TRAPPC12: variants seen among roughly 807,000 people sequenced by gnomAD.
TRAPPC12 encodes the protein trafficking protein particle complex subunit 12.
Under a neutral mutation model 69.2 loss-of-function variants are expected in TRAPPC12, and 61 were observed. The observed-to-expected ratio is 0.88, with a 90% CI of 0.72 to 1.09. The LOEUF is 1.09. TRAPPC12 is among the 50% of genes least tolerant of loss of function. The pLI, the probability that TRAPPC12 is intolerant of heterozygous loss-of-function variation, is 0.00. For missense variants in TRAPPC12, 1,101 were observed against 1,016.4 expected, an observed-to-expected ratio of 1.08 and a Z score of -1.13; for synonymous variants, 469 against 438.9, an observed-to-expected ratio of 1.07 and a Z score of -0.86.
In TRAPPC12 at chr2:3,456,874, A is replaced by T. The variant is rs573441475; in HGVS notation, c.1531-747A>T. On this transcript the variant is annotated intron_variant, in intron 6 of 11. Coordinates refer to ENST00000324266, the MANE Select transcript of TRAPPC12 (RefSeq NM_016030.6). Reference sequence around the variant, plus strand: ...GATTACAGGCTTGAGCCACCGCTCAATCCCAGAAGTGTTGGGATTACAGGC... The same window carrying T: ...GATTACAGGCTTGAGCCACCGCTCATTCCCAGAAGTGTTGGGATTACAGGC... The T allele has an allele frequency of 7.2e-5, 23 of 320,028 alleles. No homozygotes were observed. The East Asian group carries it at 2.4e-3, about 33-fold the overall frequency. 19.8% of individuals were successfully genotyped at this position (320,028 alleles called of 1,614,324 possible).
chr2:3,416,147 G>A (rs752512012), intron 3 of TRAPPC12, among the ~76,000 whole-genome samples: 10 of 152,146 alleles, frequency 6.6e-5, no homozygotes, highest in Non-Finnish European at 1.3e-4. Context: ...TTGTACTCCT[G>A]TTGCCTGACT....
At chr2:3,417,341 C>T (rs545968839) in intron 3 of TRAPPC12, among the ~76,000 whole-genome samples, 150 of 152,224 alleles carry the variant, frequency 9.9e-4, no homozygotes, top group African/African-American at 3.5e-3. Context: ...CCACCGCCCC[C>T]GCTGCCTGCT....
chr2:3,419,512 G>A (rs1036057834), intron 3 of TRAPPC12, among the ~76,000 whole-genome samples: 5 of 152,046 alleles, frequency 3.3e-5, no homozygotes, highest in Admixed American at 2.0e-4. Flanking sequence ...ACAGTTTAGG[G>A]GAACGTGGCA....
At chr2:3,476,803 G>A (rs1666310330) in intron 9 of TRAPPC12, among the ~76,000 whole-genome samples, 2 of 152,200 alleles carry the variant, frequency 1.3e-5, no homozygotes, top group Non-Finnish European at 2.9e-5. Flanking sequence ...CATTCAGCTT[G>A]TTTCTCATCG....
intron 9 of TRAPPC12, among the ~76,000 whole-genome samples, chr2:3,477,240 A>G (rs1295818876): frequency 2.6e-5 from 4 of 152,184 alleles, no homozygotes; most frequent in Non-Finnish European, 5.9e-5. Flanking sequence ...GTTGAATTCT[A>G]TATTATTTGG....
rs749467670 is a variant in TRAPPC12 at position 3,479,314 on chromosome 2, C to A, written c.2061C>A (p.His687Gln). 6.2e-7 allele frequency: 1 copy of A among 1,614,106 alleles called. No homozygotes were observed. Among genetic ancestry groups the A allele is most frequent in the African/African-American group, 1.3e-5 (1 of 74,956 alleles). The change falls in exon 12 of 12, where the codon CAC becomes CAA. Residue 687 changes from histidine (H) to glutamine (Q), a missense_variant. Coordinates refer to ENST00000324266, the MANE Select transcript of TRAPPC12 (RefSeq NM_016030.6). Reference sequence around the variant, plus strand: ...CCATGGTCCAGCAGGACCCCAGGCACTACCTGCACGAGAGCGTGCTCTTCA... The same window carrying A: ...CCATGGTCCAGCAGGACCCCAGGCAATACCTGCACGAGAGCGTGCTCTTCA... The part of the protein sequence containing the change: ...LEAMVQQDPR[H>Q]YLHESVLFNL...
At chr2:3,446,961 G>A (rs1016315925) in intron 6 of TRAPPC12, among the ~76,000 whole-genome samples, 8 of 152,208 alleles carry the variant, frequency 5.3e-5, no homozygotes, top group Non-Finnish European at 1.2e-4. Context: ...CAAGAAGTGT[G>A]TATTAGTCCA....
At chr2:3,434,389 C>T (rs1277837058) in intron 5 of TRAPPC12, among the ~76,000 whole-genome samples, 1 of 152,176 alleles carries the variant, frequency 6.6e-6, no homozygotes, top group Non-Finnish European at 1.5e-5. Flanking sequence ...CTACATTTTT[C>T]TCTTTCATAT....
At chr2:3,450,444 A>G (rs974793710) in intron 6 of TRAPPC12, among the ~76,000 whole-genome samples, 9 of 152,288 alleles carry the variant, frequency 5.9e-5, no homozygotes, top group Admixed American at 4.6e-4. Context: ...GACAGTCTGG[A>G]AACTTCCAGG....
At chr2:3,456,497 T>A (rs903501257) in intron 6 of TRAPPC12, 6 of 152,212 alleles carry the variant, frequency 3.9e-5, no homozygotes, top group African/African-American at 9.7e-5. Context: ...ATTTGGTACG[T>A]TAAAAAGGCC....
At chr2:3,478,188 A>G in intron 10 of TRAPPC12, 1 of 164,816 alleles carries the variant, frequency 6.1e-6, no homozygotes, top group Admixed American at 6.3e-5. Context: ...TCTGTGGTAG[A>G]ACGCACAGCG....
At chr2:3,421,657 G>A (rs933272336) in intron 3 of TRAPPC12, 2 of 712,552 alleles carry the variant, frequency 2.8e-6, no homozygotes, top group South Asian at 3.0e-5. Context: ...GGCTTGAACT[G>A]TACCTCACGC....
chr2:3,407,317 C>T (rs1314169519), intron 3 of TRAPPC12, among the ~76,000 whole-genome samples: 3 of 152,110 alleles, frequency 2.0e-5, no homozygotes, highest in African/African-American at 7.2e-5. Context: ...TTCAGTTTTT[C>T]AAATAGACCC....
At chr2:3,473,833 A>G (rs576537002) in intron 9 of TRAPPC12, among the ~76,000 whole-genome samples, 141 of 152,348 alleles carry the variant, frequency 9.3e-4, no homozygotes, top group African/African-American at 3.2e-3. Flanking sequence ...ATCAGTGGTA[A>G]ATATGAAAAG....
Position 3,443,578 on chromosome 2 carries a change from T to C in TRAPPC12, c.1418-201T>C, listed in dbSNP as rs562357785. 177 of 596,622 alleles carry C rather than the reference T, an allele frequency of 3.0e-4. 1 individual carries two copies. The highest frequency in any genetic ancestry group is 2.8e-3 in the African/African-American group (153 of 54,106). The allele number at this position is 596,622 out of a possible 1,614,324, so 37.0% of individuals were successfully genotyped here. On this transcript the variant is annotated intron_variant, in intron 5 of 11. Transcript: ENST00000324266. ...TCATCCACCTGTCTCCTCTGATAATTGTCGAGACATACATACATAGAGCTC... is the reference window on the plus strand; with the variant it reads ...TCATCCACCTGTCTCCTCTGATAATCGTCGAGACATACATACATAGAGCTC...
intron 9 of TRAPPC12, chr2:3,472,649 C>T (rs1666115689): frequency 6.6e-6 from 1 of 152,120 alleles, no homozygotes; most frequent in Admixed American, 6.5e-5. Context: ...CTTTAAAGGA[C>T]ACCATAAAGA....
intron 2 of TRAPPC12, among the ~76,000 whole-genome samples, chr2:3,393,744 A>G (rs1186638381): frequency 6.6e-6 from 1 of 152,306 alleles, no homozygotes; most frequent in Admixed American, 6.5e-5. Flanking sequence ...TGTTCCATAA[A>G]GAGTGAGTAG....
At chr2:3,462,221 G>A (rs1236435855) in intron 8 of TRAPPC12, among the ~76,000 whole-genome samples, 1 of 152,212 alleles carries the variant, frequency 6.6e-6, no homozygotes, top group East Asian at 1.9e-4. Context: ...CACTGTGGTA[G>A]TAACACCACC....
rs1221597430 is a variant in TRAPPC12, at chr2:3,443,764, C to T, written c.1418-15C>T. 6.2e-7 allele frequency: 1 copy of T among 1,611,090 alleles called. No homozygotes were observed. The highest frequency in any genetic ancestry group is 8.5e-7 in the Non-Finnish European group (1 of 1,177,516). On this transcript the variant is annotated splice_polypyrimidine_tract_variant and intron_variant, in intron 5 of 11. Coordinates refer to ENST00000324266, the MANE Select transcript of TRAPPC12 (RefSeq NM_016030.6). Reference sequence around the variant, plus strand: ...TTATGGCAAACAAACTCACTCAGCACTGATTGGATTCCAGGCTCCATGGTC... The same window carrying T: ...TTATGGCAAACAAACTCACTCAGCATTGATTGGATTCCAGGCTCCATGGTC...
Sources: gnomAD v4.1 joint callset for allele counts (sites outside exome capture counted in the v4.1 genomes callset) on GRCh38, gnomAD v4.1.1 for gene constraint, MANE v1.5 for transcripts, NCBI Gene and HGNC (gene_info 2026-07-23, HGNC 2026-07-21) for gene names.